GRIA1: variants seen among roughly 807,000 people sequenced by gnomAD.
GRIA1 encodes glutamate receptor 1.
GRIA1 carries 31 observed loss-of-function variants against 99.2 expected under a neutral mutation model. The observed-to-expected ratio is 0.31, with a 90% CI of 0.23 to 0.42. The LOEUF (loss-of-function observed/expected upper bound fraction) is 0.42, where lower values mean the gene tolerates loss of function less well. Ranked by LOEUF, GRIA1 falls within the 10% of genes least tolerant of loss-of-function variation. The pLI is 1.00. For missense variants in GRIA1, 782 were observed against 1,157.5 expected, an observed-to-expected ratio of 0.68 and a Z score of 4.71; for synonymous variants, 438 against 432.4, an observed-to-expected ratio of 1.01 and a Z score of -0.16.
intron 4 of GRIA1, among the ~76,000 whole-genome samples, chr5:153,653,269 G>A (rs1389805982): frequency 6.6e-6 from 1 of 152,180 alleles, no homozygotes; most frequent in African/African-American, 2.4e-5. Context: ...GGCTGGATAA[G>A]AGCCTTTAAG....
chr5:153,737,542 G>C (rs1307202874), intron 11 of GRIA1, among the ~76,000 whole-genome samples: 3 of 152,040 alleles, frequency 2.0e-5, no homozygotes. Context: ...TAATTTTGAG[G>C]GTGACTTTGG....
intron 5 of GRIA1, among the ~76,000 whole-genome samples, chr5:153,667,642 G>T (rs1755843056): frequency 6.6e-6 from 1 of 152,148 alleles, no homozygotes; most frequent in South Asian, 2.1e-4. Flanking sequence ...TGTGATGTAG[G>T]TGCTATATCT....
At chr5:153,609,555 CTTTTTTTTTTTT>C (rs3036982) in intron 2 of GRIA1, among the ~76,000 whole-genome samples, 3 of 84,362 alleles carry the variant, frequency 3.6e-5, no homozygotes, top group South Asian at 4.2e-4. Context: ...AGACTCTTTT[CTTTTTTTTTTTT>C]TTTTTTTTTT....
In GRIA1 at chr5:153,631,836, C is replaced by T. The variant is rs1400232529; in HGVS notation, c.221-15092C>T. On this transcript the variant is annotated intron_variant, in intron 2 of 15. Transcript: ENST00000285900. ...GTTGTGACCGAGAACAGCAGGATGA[C>T]CTGCTTAAGGTGGTCCTTGCAAGAT... 2.0e-5 allele frequency among the ~76,000 whole-genome samples: 3 copies of T among 152,144 alleles called. No homozygotes were observed. The East Asian group carries it at 5.8e-4, about 29-fold the overall frequency.
At chr5:153,538,474 C>A (rs925556759) in intron 2 of GRIA1, among the ~76,000 whole-genome samples, 8 of 152,004 alleles carry the variant, frequency 5.3e-5, no homozygotes, top group Non-Finnish European at 1.0e-4. Context: ...TCCCCAGCAA[C>A]TGGTAGATCT....
At position 153,705,871 on chromosome 5, in the gene GRIA1, A is replaced by C; in HGVS notation, c.1627A>C (p.Ile543Leu). The C allele has an allele frequency of 2.5e-6, 4 of 1,613,744 alleles. No individual in the cohort carries two copies. Among genetic ancestry groups the C allele is most frequent in the Non-Finnish European group, 3.4e-6 (4 of 1,179,932 alleles). ...DPLAYEIWMC[I>L]VFAYIGVSVV... is the part of the protein sequence containing the mutation. ...TTTGGCTTATGAGATTTGGATGTGC[A>C]TTGTTTTTGCCTACATTGGAGTGAG... The change falls in exon 11 of 16, where the codon ATT (isoleucine) becomes CTT (leucine). Residue 543 changes from isoleucine (I) to leucine (L), a missense_variant. Transcript: ENST00000285900.
Position 153,677,090 on chromosome 5 carries a change from G to C in GRIA1, c.958G>C (p.Ala320Pro). The C allele has an allele frequency of 6.3e-7, 1 of 1,585,200 alleles. No homozygotes were observed. The highest frequency in any genetic ancestry group is 8.6e-7 in the Non-Finnish European group (1 of 1,163,370). ...AATTGATATATCTCGCCGGGGGAAT[G>C]CTGGGGATTGTCTGGCTAACCCAGC... is the stretch of plus-strand genomic sequence containing the variant. Reference protein sequence around the residue: ...QRIDISRRGNAGDCLANPAVP... With the variant: ...QRIDISRRGNPGDCLANPAVP... Residue 320 changes from alanine to proline, a missense_variant, in exon 7 of 16, where the codon GCT becomes CCT. This residue lies in a region of GRIA1 where 461 missense variants were observed against 521.7 expected (regional missense o/e 0.88). Transcript: ENST00000285900.
At chr5:153,803,717 A>G (rs569601382) in intron 15 of GRIA1, among the ~76,000 whole-genome samples, 1 of 152,286 alleles carries the variant, frequency 6.6e-6, no homozygotes, top group Non-Finnish European at 1.5e-5. Flanking sequence ...ATCCCTTGGT[A>G]GAATTTGCTT....
intron 2 of GRIA1, among the ~76,000 whole-genome samples, chr5:153,502,758 G>A (rs1369032028): frequency 6.6e-6 from 1 of 152,278 alleles, no homozygotes; most frequent in Middle Eastern, 3.4e-3. Flanking sequence ...ATACCCTATG[G>A]TTAGGCGTGT....
intron 2 of GRIA1, among the ~76,000 whole-genome samples, chr5:153,542,998 CA>C (rs1421706904): frequency 5.9e-5 from 9 of 152,222 alleles, no homozygotes; most frequent in Non-Finnish European, 1.3e-4. Flanking sequence ...CTTCTTAGAG[CA>C]TTGTTATAAG....
At chr5:153,580,139 G>A (rs1207110135) in intron 2 of GRIA1, among the ~76,000 whole-genome samples, 1 of 152,210 alleles carries the variant, frequency 6.6e-6, no homozygotes, top group Non-Finnish European at 1.5e-5. Context: ...GACTAAGGTG[G>A]ATGGAGATAA....
At chr5:153,808,805 C>A (rs762098761) in intron 15 of GRIA1, among the ~76,000 whole-genome samples, 1 of 152,228 alleles carries the variant, frequency 6.6e-6, no homozygotes, top group Non-Finnish European at 1.5e-5. Flanking sequence ...AAGGTAGTAA[C>A]CATCCATGAT....
At chr5:153,774,949 G>T (rs989649576) in intron 13 of GRIA1, among the ~76,000 whole-genome samples, 1 of 152,190 alleles carries the variant, frequency 6.6e-6, no homozygotes, top group African/African-American at 2.4e-5. Flanking sequence ...TGGACAGGTG[G>T]TGTTTCTTTG....
At chr5:153,647,516 C>T (rs1754242520) in intron 3 of GRIA1, among the ~76,000 whole-genome samples, 1 of 152,164 alleles carries the variant, frequency 6.6e-6, no homozygotes, top group African/African-American at 2.4e-5. Context: ...GACAAACTCT[C>T]TCTGCCTCAA....
chr5:153,495,924 G>A (rs1478672523), intron 2 of GRIA1, among the ~76,000 whole-genome samples: 1 of 152,206 alleles, frequency 6.6e-6, no homozygotes, highest in African/African-American at 2.4e-5. Flanking sequence ...TCCTGGAGCA[G>A]GGCTCCATAG....
chr5:153,490,234 T>C (rs554394904), upstream of GRIA1: 5 of 180,644 alleles, frequency 2.8e-5, no homozygotes, highest in Admixed American at 1.7e-4. Flanking sequence ...AGCTGGTGGA[T>C]TGAGGACTAT....
intron 2 of GRIA1, among the ~76,000 whole-genome samples, chr5:153,547,514 T>G (rs1198951422): frequency 6.6e-6 from 1 of 152,208 alleles, no homozygotes; most frequent in Non-Finnish European, 1.5e-5. Flanking sequence ...CTGTGACAGA[T>G]GCAACTACTT....
intron 3 of GRIA1, among the ~76,000 whole-genome samples, chr5:153,648,783 C>T (rs1581399048): frequency 6.6e-6 from 1 of 151,640 alleles, no homozygotes; most frequent in African/African-American, 2.4e-5. Flanking sequence ...GACATACATA[C>T]AAAAAATTAA....
Position 153,686,257 on chromosome 5 carries a change from G to C in GRIA1, c.1062G>C (p.Gln354His), listed in dbSNP as rs1757333227. ...VRFEGLTGNVQFNEKGRRTNY... is the reference protein window; with the variant it reads ...VRFEGLTGNVHFNEKGRRTNY... ...TTGAAGGTTTAACAGGAAACGTGCA[G>C]TTTAATGAGAAAGGACGCCGGACCA... Residue 354 changes from glutamine to histidine, a missense_variant, in exon 8 of 16, where the codon CAG becomes CAC. By Grantham distance (24) the Gln-to-His change is conservative. Transcript: ENST00000285900. 6.2e-7 allele frequency: 1 copy of C among 1,613,992 alleles called. No homozygotes were observed. Among genetic ancestry groups the C allele is most frequent in the Non-Finnish European group, 8.5e-7 (1 of 1,179,868 alleles).
Sources: allele counts gnomAD v4.1 joint callset (sites outside exome capture counted in the v4.1 genomes callset), GRCh38; gene constraint gnomAD v4.1.1; regional missense constraint gnomAD v4.1.1; transcripts MANE v1.5; gene names NCBI Gene and HGNC (gene_info 2026-07-23, HGNC 2026-07-21).